The following ANKFN1 variants were observed in gnomAD, a reference collection of about 807,000 sequenced individuals.
ANKFN1 encodes the protein ankyrin repeat and fibronectin type-III domain-containing protein 1.
A neutral mutation model predicts 108.7 loss-of-function variants in ANKFN1; 74 were observed. The observed-to-expected ratio is 0.68, with a 90% CI of 0.56 to 0.83. ANKFN1 has a LOEUF of 0.83. Ranked by LOEUF, ANKFN1 falls within the 40% of genes least tolerant of loss-of-function variation. The pLI is 0.00. For synonymous variants in ANKFN1, 547 were observed against 516.2 expected, an observed-to-expected ratio of 1.06 and a Z score of -0.81; for missense variants, 1,505 against 1,382.3, an observed-to-expected ratio of 1.09 and a Z score of -1.41.
chr17:56,261,819 T>C (rs2043518362), intron 3 of ANKFN1, among the ~76,000 whole-genome samples: 1 of 152,198 alleles, frequency 6.6e-6, no homozygotes, highest in African/African-American at 2.4e-5. Context: ...ACTCAAATGT[T>C]AATCTCCTTT....
intron 3 of ANKFN1, among the ~76,000 whole-genome samples, chr17:56,231,199 C>T (rs745416910): frequency 1.3e-5 from 2 of 152,086 alleles, no homozygotes; most frequent in South Asian, 2.1e-4. Flanking sequence ...GTCTCTTTCA[C>T]TGGTTCCTTG....
intron 1 of ANKFN1, among the ~76,000 whole-genome samples, chr17:56,198,702 A>G (rs566779361): frequency 6.6e-6 from 1 of 152,268 alleles, no homozygotes; most frequent in South Asian, 2.1e-4. Context: ...ACTATTTATA[A>G]CGCCTTTTCT....
chr17:56,516,325 T>C lies in ANKFN1; in HGVS notation c.*5056T>C, dbSNP rs2051916199. ...GAGAGATGTTTCATAGAAAAAGTAA[T>C]TTAAGTGACATTCTCATTTGGCAGT... On this transcript the variant is annotated 3_prime_UTR_variant, in exon 21 of 21. Transcript: ENST00000682825. Among the ~76,000 whole-genome samples, 1 of 151,984 alleles carries C rather than the reference T, an allele frequency of 6.6e-6. No homozygotes were observed. The highest frequency in any genetic ancestry group is 2.4e-5 in the African/African-American group (1 of 41,378).
At chr17:56,480,913 G>A in intron 17 of ANKFN1, 95 bp downstream of exon 17, 4 of 1,333,518 alleles carry the variant, frequency 3.0e-6, no homozygotes, top group Non-Finnish European at 4.0e-6. Flanking sequence ...GTGTGTGTGT[G>A]TGTGTGTGTA....
intron 4 of ANKFN1, among the ~76,000 whole-genome samples, chr17:56,047,940 C>T (rs753132152): frequency 1.3e-5 from 2 of 152,166 alleles, no homozygotes; most frequent in Admixed American, 6.5e-5. Flanking sequence ...ACTATTAATG[C>T]ATTGCAGAAA....
chr17:56,117,145 C>T (rs1262175835), intron 4 of ANKFN1, among the ~76,000 whole-genome samples: 1 of 151,976 alleles, frequency 6.6e-6, no homozygotes, highest in African/African-American at 2.4e-5. Context: ...AAATTTATGC[C>T]TTTATTAAAT....
At chr17:56,143,119 G>A in intron 4 of ANKFN1, among the ~76,000 whole-genome samples, 1 of 152,182 alleles carries the variant, frequency 6.6e-6, no homozygotes, top group Non-Finnish European at 1.5e-5. Flanking sequence ...ATTAGGGGTG[G>A]GGTTGGGGGG....
intron 3 of ANKFN1, among the ~76,000 whole-genome samples, chr17:56,265,204 A>T (rs182109089): frequency 6.6e-6 from 1 of 152,188 alleles, no homozygotes; most frequent in Non-Finnish European, 1.5e-5. Context: ...TGCTCTAAAG[A>T]TACTACCTGA....
chr17:56,228,369 A>G (rs578249129), intron 3 of ANKFN1: 1 of 184,942 alleles, frequency 5.4e-6, no homozygotes, highest in African/African-American at 2.4e-5. Flanking sequence ...TAACCTTAAT[A>G]ATTCCTTCCT....
At chr17:56,448,657 A>C (rs8082082) in intron 10 of ANKFN1, among the ~76,000 whole-genome samples, 2 of 152,134 alleles carry the variant, frequency 1.3e-5, no homozygotes, top group African/African-American at 2.4e-5. Flanking sequence ...TGTGGATTTC[A>C]TCTAGTCTGC....
chr17:56,095,557 C>A (rs1313689836), intron 4 of ANKFN1, among the ~76,000 whole-genome samples: 1 of 141,398 alleles, frequency 7.1e-6, no homozygotes, highest in Non-Finnish European at 1.6e-5. Flanking sequence ...CCGCCTCAGC[C>A]TCCCAAAGTG....
chr17:56,130,013 C>T (rs16956689), intron 4 of ANKFN1, among the ~76,000 whole-genome samples: 3 of 152,200 alleles, frequency 2.0e-5, no homozygotes, highest in African/African-American at 7.2e-5. Flanking sequence ...AGTTTATGAA[C>T]CAAAATAACC....
At chr17:56,333,773 A>G (rs2045729619) in intron 4 of ANKFN1, among the ~76,000 whole-genome samples, 1 of 152,152 alleles carries the variant, frequency 6.6e-6, no homozygotes, top group Admixed American at 6.6e-5. Flanking sequence ...AACATTTAAC[A>G]TGACATTTAT....
At position 56,511,518 on chromosome 17, in the gene ANKFN1, T is replaced by TA. The variant is rs1158560761; in HGVS notation, c.*250dup. 3 of 474,706 alleles carry TA rather than the reference T, an allele frequency of 6.3e-6. No homozygotes were observed. The highest frequency in any genetic ancestry group is 1.1e-5 in the Non-Finnish European group (3 of 269,052). 29.4% of individuals were successfully genotyped at this position (474,706 alleles called of 1,614,324 possible). On this transcript the variant is annotated 3_prime_UTR_variant, in exon 21 of 21. Coordinates refer to ENST00000682825, the MANE Select transcript of ANKFN1 (RefSeq NM_001370326.1). ...AGTTGTGTCAACATGGAATACGACA[T>TA]ACAGTGACTCAAACATGCCACCCTG...
chr17:56,436,312 T>G (rs2048927191), intron 8 of ANKFN1, among the ~76,000 whole-genome samples: 1 of 152,262 alleles, frequency 6.6e-6, no homozygotes, highest in African/African-American at 2.4e-5. Context: ...CCTTTCTTGC[T>G]AATTTTCAAC....
chr17:56,230,727 AT>A, intron 3 of ANKFN1, among the ~76,000 whole-genome samples: 1 of 152,168 alleles, frequency 6.6e-6, no homozygotes, highest in Middle Eastern at 3.4e-3. Context: ...AGAAACCTGA[AT>A]TATCTAGAGG....
At chr17:56,156,066 C>T (rs971118257) in intron 1 of ANKFN1, among the ~76,000 whole-genome samples, 1 of 150,740 alleles carries the variant, frequency 6.6e-6, no homozygotes, top group Non-Finnish European at 1.5e-5. Context: ...TTCCTCATCT[C>T]TCTCTCACTC....
intron 14 of ANKFN1, among the ~76,000 whole-genome samples, chr17:56,465,357 C>T (rs1042023852): frequency 3.3e-5 from 5 of 152,252 alleles, no homozygotes; most frequent in East Asian, 3.9e-4. Context: ...AGGTTTCGGC[C>T]GCAGTCCCTA....
chr17:56,262,890 C>G (rs58653511), intron 3 of ANKFN1, among the ~76,000 whole-genome samples: 2,557 of 152,238 alleles, frequency 0.017, 78 homozygotes, highest in African/African-American at 0.059. Flanking sequence ...GAAGACTTTT[C>G]CCCCCTTTGT....
Sources: gnomAD v4.1 joint callset for allele counts (sites outside exome capture counted in the v4.1 genomes callset) on GRCh38, gnomAD v4.1.1 for gene constraint, MANE v1.5 for transcripts, NCBI Gene and HGNC (gene_info 2026-07-23, HGNC 2026-07-21) for gene names.